SGCD: variants seen among roughly 807,000 people sequenced by gnomAD.
The protein encoded by SGCD is sarcoglycan delta.
Under a neutral mutation model 36.6 loss-of-function variants are expected in SGCD, and 18 were observed. That is an observed-to-expected ratio of 0.49 (90% CI 0.34 to 0.73). The LOEUF is 0.73. SGCD is among the 30% of genes least tolerant of loss of function. The pLI, the probability that SGCD is intolerant of heterozygous loss-of-function variation, is 0.01. For synonymous variants in SGCD, 133 were observed against 130.6 expected, an observed-to-expected ratio of 1.02 and a Z score of -0.12; for missense variants, 387 against 346.7, an observed-to-expected ratio of 1.12 and a Z score of -0.92.
rs1007491047 is a variant in SGCD, at chr5:156,351,097, G to A, written c.192+6420G>A. Among the ~76,000 whole-genome samples, 12 of 152,154 alleles carry A rather than the reference G, an allele frequency of 7.9e-5. 1 individual carries two copies. The highest frequency in any genetic ancestry group is 2.4e-4 in the African/African-American group (10 of 41,444). ...TCTGAGGTATCCAGTGACGTTTTAT[G>A]TTTAGAGTAGTTCCCTGGTAGTTCC... On this transcript the variant is annotated intron_variant, in intron 3 of 8. Transcript: ENST00000337851.
At chr5:156,417,450 A>G (rs1286761933) in intron 3 of SGCD, among the ~76,000 whole-genome samples, 1 of 152,204 alleles carries the variant, frequency 6.6e-6, no homozygotes, top group Admixed American at 6.5e-5. Flanking sequence ...AACAATTTTT[A>G]GAGAAAGACT....
At chr5:156,468,893 G>A (rs1482139440) in intron 3 of SGCD, among the ~76,000 whole-genome samples, 1 of 152,180 alleles carries the variant, frequency 6.6e-6, no homozygotes, top group African/African-American at 2.4e-5. Context: ...TCAGGAGACT[G>A]AGGCAGGAGA....
At chr5:156,144,755 G>A (rs1338047139) in intron 3 of SGCD, among the ~76,000 whole-genome samples, 1 of 152,106 alleles carries the variant, frequency 6.6e-6, no homozygotes, top group Non-Finnish European at 1.5e-5. Context: ...GATCCCATTT[G>A]TCAATTTTGC....
At chr5:156,019,437 A>G (rs1317125005) in intron 1 of SGCD, among the ~76,000 whole-genome samples, 1 of 152,206 alleles carries the variant, frequency 6.6e-6, no homozygotes, top group East Asian at 1.9e-4. Context: ...CATTTCTTAG[A>G]GAACTGTTAA....
intron 1 of SGCD, among the ~76,000 whole-genome samples, chr5:156,104,193 T>C (rs1389155370): frequency 6.6e-6 from 1 of 152,168 alleles, no homozygotes; most frequent in African/African-American, 2.4e-5. Context: ...TGTAAGACTC[T>C]TAGGTTACAT....
At chr5:156,001,180 T>G (rs187452769) in intron 1 of SGCD, among the ~76,000 whole-genome samples, 23 of 152,202 alleles carry the variant, frequency 1.5e-4, no homozygotes, top group Non-Finnish European at 2.1e-4. Context: ...GGAGTTGATA[T>G]ATAAATGGTT....
intron 4 of SGCD, among the ~76,000 whole-genome samples, chr5:156,513,059 C>G (rs999500415): frequency 7.9e-5 from 12 of 152,008 alleles, no homozygotes; most frequent in Admixed American, 2.6e-4. Flanking sequence ...TAGAGAATAA[C>G]ATATTAGGCA....
chr5:156,204,097 A>G (rs1373949934), intron 3 of SGCD, among the ~76,000 whole-genome samples: 1 of 152,150 alleles, frequency 6.6e-6, no homozygotes. Flanking sequence ...AGAGATACCC[A>G]TAAAAGCCAA....
intron 7 of SGCD, among the ~76,000 whole-genome samples, chr5:156,655,596 C>T (rs1296759547): frequency 5.9e-5 from 9 of 152,098 alleles, no homozygotes; most frequent in Admixed American, 5.2e-4. Context: ...AAGGTCTATG[C>T]CAAATATCCA....
At chr5:156,593,477 C>G (rs1760805255) in intron 5 of SGCD, among the ~76,000 whole-genome samples, 1 of 152,134 alleles carries the variant, frequency 6.6e-6, no homozygotes, top group Non-Finnish European at 1.5e-5. Context: ...GACCAAACAT[C>G]CCCCTATCCT....
At chr5:156,179,813 G>A (rs1763560357) in intron 3 of SGCD, among the ~76,000 whole-genome samples, 1 of 151,828 alleles carries the variant, frequency 6.6e-6, no homozygotes, top group Admixed American at 6.6e-5. Context: ...TAGTAAAGAT[G>A]GGGTTTCATC....
intron 4 of SGCD, among the ~76,000 whole-genome samples, chr5:156,578,628 C>G (rs1187925760): frequency 6.6e-6 from 1 of 152,196 alleles, no homozygotes; most frequent in Non-Finnish European, 1.5e-5. Context: ...CAACTTCTTC[C>G]TGGCTTAGTC....
At chr5:156,324,568 AG>A (rs1767754986), upstream of SGCD, among the ~76,000 whole-genome samples, 1 of 152,206 alleles carries the variant, frequency 6.6e-6, no homozygotes, top group Non-Finnish European at 1.5e-5. Flanking sequence ...TCTCAAACTG[AG>A]ATCTCTCCAG....
intron 4 of SGCD, among the ~76,000 whole-genome samples, chr5:156,542,492 G>A (rs1758388951): frequency 6.6e-6 from 1 of 152,168 alleles, no homozygotes; most frequent in African/African-American, 2.4e-5. Context: ...ACATTCTGGA[G>A]CCAGAAGTGC....
the SGCD span, among the ~76,000 whole-genome samples, chr5:155,777,844 T>G: frequency 6.6e-6 from 1 of 152,294 alleles, no homozygotes; most frequent in African/African-American, 2.4e-5. Flanking sequence ...ATGTTCCCAT[T>G]TCTTCTGTAT....
intron 3 of SGCD, among the ~76,000 whole-genome samples, chr5:156,423,349 AATTTTATTATAATATATTAT>A (rs1413619438): frequency 4.6e-4 from 7 of 15,072 alleles, no homozygotes; most frequent in Non-Finnish European, 4.6e-4. Context: ...AATATATTAT[AATTTTATTATAATATATTAT>A]ATTTTATTAT....
intron 3 of SGCD, among the ~76,000 whole-genome samples, chr5:156,242,721 G>A (rs1765335346): frequency 6.6e-6 from 1 of 152,226 alleles, no homozygotes; most frequent in African/African-American, 2.4e-5. Context: ...GGGCACCCTT[G>A]TAGGCGGACT....
intron 1 of SGCD, among the ~76,000 whole-genome samples, chr5:155,913,047 T>C (rs1756663799): frequency 6.6e-6 from 1 of 152,204 alleles, no homozygotes; most frequent in South Asian, 2.1e-4. Context: ...ACAGTGGTGA[T>C]ATTGTCAATG....
chr5:156,445,725 T>C (rs146314521), intron 3 of SGCD, among the ~76,000 whole-genome samples: 2,186 of 152,306 alleles, frequency 0.014, 23 homozygotes, highest in Non-Finnish European at 0.022. Context: ...AGGATTCCTG[T>C]ACAGATTAAA....
Sources: allele counts gnomAD v4.1 joint callset (sites outside exome capture counted in the v4.1 genomes callset), GRCh38; gene constraint gnomAD v4.1.1; transcripts MANE v1.5; gene names NCBI Gene and HGNC (gene_info 2026-07-23, HGNC 2026-07-21).